Variants in JARID2 observed in about 807,000 individuals in gnomAD.
JARID2 encodes the protein jumonji and AT-rich interaction domain containing 2, also known as protein Jumonji.
Under a neutral mutation model 125.6 loss-of-function variants are expected in JARID2, and 21 were observed. The observed-to-expected ratio is 0.17, with a 90% CI of 0.12 to 0.24. The LOEUF (loss-of-function observed/expected upper bound fraction) is 0.24. JARID2 is among the 10% of genes least tolerant of loss of function. The pLI is 1.00. For synonymous variants in JARID2, 736 were observed against 661.6 expected, an observed-to-expected ratio of 1.11 and a Z score of -1.73; for missense variants, 1,303 against 1,639.6, an observed-to-expected ratio of 0.79 and a Z score of 3.55.
At chr6:15,391,450 G>A (rs550488411) in intron 2 of JARID2, among the ~76,000 whole-genome samples, 2 of 152,280 alleles carry the variant, frequency 1.3e-5, no homozygotes, top group South Asian at 4.1e-4. Flanking sequence ...TGGGTCAGTG[G>A]GGAGGCCTGA....
chr6:15,293,261 C>G (rs1402880821), intron 1 of JARID2, among the ~76,000 whole-genome samples: 1 of 152,114 alleles, frequency 6.6e-6, no homozygotes, highest in Non-Finnish European at 1.5e-5. Context: ...TTGCACAGGC[C>G]CTTATTAGCC....
At chr6:15,336,762 G>A (rs768800925) in intron 1 of JARID2, among the ~76,000 whole-genome samples, 1 of 151,532 alleles carries the variant, frequency 6.6e-6, no homozygotes, top group Non-Finnish European at 1.5e-5. Context: ...GCTGCCCCAG[G>A]CTGGTCTCCA....
intron 1 of JARID2, among the ~76,000 whole-genome samples, chr6:15,347,018 G>GCCA (rs929696894): frequency 3.4e-4 from 52 of 152,238 alleles, no homozygotes; most frequent in Non-Finnish European, 5.9e-4. Context: ...ACAGGTGTGA[G>GCCA]CCACCATTCC....
intron 2 of JARID2, among the ~76,000 whole-genome samples, chr6:15,394,555 C>T (rs1003270012): frequency 7.9e-5 from 12 of 152,096 alleles, no homozygotes; most frequent in Non-Finnish European, 1.6e-4. Context: ...ACCTAGATTG[C>T]GCTACTTGAC....
At chr6:15,482,400 G>T (rs4715979) in intron 5 of JARID2, among the ~76,000 whole-genome samples, 37,127 of 152,006 alleles carry the variant, frequency 0.24, 4,658 homozygotes, top group Middle Eastern at 0.36. Context: ...TACCATATTA[G>T]AATTAAAAGT....
intron 1 of JARID2, among the ~76,000 whole-genome samples, chr6:15,305,050 A>C (rs976581178): frequency 1.3e-5 from 2 of 152,180 alleles, no homozygotes; most frequent in African/African-American, 4.8e-5. Context: ...AGGGGTGCCC[A>C]CTGGGAGCCA....
intron 1 of JARID2, among the ~76,000 whole-genome samples, chr6:15,324,681 C>G (rs1762477737): frequency 6.7e-6 from 1 of 150,024 alleles, no homozygotes; most frequent in Non-Finnish European, 1.5e-5. Context: ...GTTTTGTAGC[C>G]TTGCTTTATT....
chr6:15,519,979 C>CTGCCCTAAACT, intron 17 of JARID2, 90 bp from the exon 18 acceptor site: 1 of 1,057,886 alleles, frequency 9.5e-7, no homozygotes, highest in Non-Finnish European at 1.3e-6. Flanking sequence ...CCGCTGCCCT[C>CTGCCCTAAACT]TGCCCTAAAC....
intron 1 of JARID2, among the ~76,000 whole-genome samples, chr6:15,251,169 G>A (rs770685033): frequency 2.0e-5 from 3 of 152,030 alleles, no homozygotes; most frequent in Non-Finnish European, 4.4e-5. Flanking sequence ...CCCCTATCAT[G>A]TCCGGCTAAT....
chr6:15,511,228 G>A (rs1581666940), intron 12 of JARID2, 68 bp from the exon 13 acceptor site: 2 of 1,067,890 alleles, frequency 1.9e-6, no homozygotes, highest in Non-Finnish European at 2.9e-6. Context: ...GGTGACGGGG[G>A]TGGCCCAGTA....
chr6:15,284,052 A>C (rs1760899081), intron 1 of JARID2, among the ~76,000 whole-genome samples: 1 of 151,936 alleles, frequency 6.6e-6, no homozygotes, highest in African/African-American at 2.4e-5. Flanking sequence ...AGAAGTTTTA[A>C]ATTTTTCTGT....
At chr6:15,371,966 A>G (rs1764187160) in intron 1 of JARID2, among the ~76,000 whole-genome samples, 1 of 152,228 alleles carries the variant, frequency 6.6e-6, no homozygotes, top group Non-Finnish European at 1.5e-5. Flanking sequence ...GAGAAGGTGG[A>G]AATCCTAGTT....
chr6:15,397,113 C>T (rs951893792), intron 2 of JARID2, among the ~76,000 whole-genome samples: 1 of 152,280 alleles, frequency 6.6e-6, no homozygotes, highest in African/African-American at 2.4e-5. Flanking sequence ...AGTGTATTAA[C>T]TTTTATTTAA....
chr6:15,425,090 A>C (rs1766666938), intron 3 of JARID2, among the ~76,000 whole-genome samples: 1 of 152,216 alleles, frequency 6.6e-6, no homozygotes, highest in African/African-American at 2.4e-5. Flanking sequence ...GGTATGTAAT[A>C]CAGACTCAGT....
At chr6:15,249,481 C>A (rs990036229) in intron 1 of JARID2, among the ~76,000 whole-genome samples, 3 of 152,190 alleles carry the variant, frequency 2.0e-5, no homozygotes, top group Non-Finnish European at 4.4e-5. Flanking sequence ...CTTAGTTCTT[C>A]TGAGCAGGGA....
chr6:15,341,766 A>G (rs757290779), intron 1 of JARID2, among the ~76,000 whole-genome samples: 1 of 152,238 alleles, frequency 6.6e-6, no homozygotes, highest in Non-Finnish European at 1.5e-5. Flanking sequence ...GCAAGATGAC[A>G]TAGTATCTGC....
Position 15,457,935 on chromosome 6 carries a change from GA to G in JARID2, c.493+5761del, listed in dbSNP as rs1376122441. 8.5e-5 allele frequency among the ~76,000 whole-genome samples: 13 copies of G among 152,268 alleles called. No homozygotes were observed. In the East Asian group the frequency reaches 2.3e-3, roughly 27 times the overall value. The stretch of plus-strand genomic sequence containing the variant: ...TCTTTCATTTCCTATTTAATATTGT[GA>G]CCTAAAATTTCTACAGGAAAGGAGG... On this transcript the variant is annotated intron_variant, in intron 4 of 17. Coordinates refer to ENST00000341776, the MANE Select transcript of JARID2 (RefSeq NM_004973.4).
intron 1 of JARID2, among the ~76,000 whole-genome samples, chr6:15,320,055 A>G (rs902103922): frequency 9.2e-5 from 14 of 152,160 alleles, no homozygotes; most frequent in Admixed American, 2.6e-4. Flanking sequence ...GTAGAACCTG[A>G]TTACTTTTAT....
At chr6:15,414,183 A>G (rs1191978713) in intron 3 of JARID2, among the ~76,000 whole-genome samples, 2 of 152,162 alleles carry the variant, frequency 1.3e-5, no homozygotes, top group Non-Finnish European at 2.9e-5. Flanking sequence ...CTTATGGAAA[A>G]TAAAAATCTA....
Sources: gnomAD v4.1 joint callset for allele counts (sites outside exome capture counted in the v4.1 genomes callset) on GRCh38, gnomAD v4.1.1 for gene constraint, MANE v1.5 for transcripts, NCBI Gene and HGNC (gene_info 2026-07-23, HGNC 2026-07-21) for gene names.